BCAR1: variants seen among roughly 807,000 people sequenced by gnomAD.
The protein encoded by BCAR1 is breast cancer anti-estrogen resistance protein 1.
BCAR1 carries 30 observed loss-of-function variants against 67.6 expected under a neutral mutation model. The ratio of observed to expected loss-of-function variants is 0.44; its 90% CI spans 0.33 to 0.60. The LOEUF (loss-of-function observed/expected upper bound fraction) is 0.60. Ranked by LOEUF, BCAR1 falls within the 20% of genes least tolerant of loss-of-function variation. The pLI is 0.02. For missense variants in BCAR1, 1,313 were observed against 1,222.3 expected (o/e 1.07, Z -1.11); for synonymous variants, 626 against 556.7 (o/e 1.12, Z -1.75).
chr16:75,233,379 A>G (rs2076969780), intron 6 of BCAR1, among the ~76,000 whole-genome samples: 1 of 152,326 alleles, frequency 6.6e-6, no homozygotes, highest in South Asian at 2.1e-4. Flanking sequence ...TGTCAAAAAA[A>G]AAAAAATACT....
At chr16:75,264,492 G>T in intron 1 of BCAR1, 2 of 1,449,940 alleles carry the variant, frequency 1.4e-6, no homozygotes, top group Non-Finnish European at 1.8e-6. Flanking sequence ...GGAAGGGCTT[G>T]GCAGGCATGT....
intron 5 of BCAR1, 112 bp downstream of exon 5, chr16:75,234,777 G>C: frequency 1.4e-6 from 2 of 1,442,554 alleles, no homozygotes; most frequent in South Asian, 3.1e-5. Flanking sequence ...AAAGTGAGAG[G>C]AGGGTGCAGG....
intron 1 of BCAR1, chr16:75,266,640 C>A: frequency 6.4e-6 from 7 of 1,090,966 alleles, no homozygotes; most frequent in Non-Finnish European, 8.3e-6. Flanking sequence ...TCGTCCCCAT[C>A]GCTCCACTCC....
intron 1 of BCAR1, chr16:75,247,950 CAAT>C (rs896687375): frequency 1.2e-6 from 1 of 813,698 alleles, no homozygotes; most frequent in Non-Finnish European, 2.1e-6. Context: ...ACTAAGTTCA[CAAT>C]AATAAGAACA....
intron 1 of BCAR1, chr16:75,266,585 A>G (rs1567629409): frequency 1.1e-5 from 6 of 566,982 alleles, no homozygotes; most frequent in Middle Eastern, 2.8e-4. Context: ...CGCATCTACC[A>G]TGGTGCCCAC....
intron 3 of BCAR1, 87 bp downstream of exon 3, chr16:75,237,096 C>A: frequency 2.7e-6 from 4 of 1,507,834 alleles, no homozygotes; most frequent in Admixed American, 4.3e-5. Flanking sequence ...CTGGCCGGGG[C>A]TGAGAAGATG....
rs1243009069 is a variant in BCAR1, at chr16:75,229,339, C to T, written c.*172G>A. On this transcript the variant is annotated 3_prime_UTR_variant, in exon 7 of 7. Coordinates refer to ENST00000162330, the MANE Select transcript of BCAR1 (RefSeq NM_014567.5). ...TTCGGCTCCTGAGGAGGCATGGCCC[C>T]ACACCCTGCCCGGCCATAAATATAT... 1.8e-6 allele frequency: 2 copies of T among 1,122,292 alleles called. No individual in the cohort carries two copies. The highest frequency in any genetic ancestry group is 2.7e-5 in the East Asian group (1 of 37,318). 69.5% of individuals were successfully genotyped at this position (1,122,292 alleles called of 1,614,324 possible). A position where few individuals can be genotyped will look rare whatever the true frequency, so the allele number is the denominator to read the frequency against.
chr16:75,238,946 G>A (rs1282522850), intron 2 of BCAR1: 1 of 985,294 alleles, frequency 1.0e-6, no homozygotes, highest in Non-Finnish European at 1.2e-6. Context: ...CCAGCAGGAG[G>A]GATGAGCATC....
chr16:75,251,057 T>C (rs1045231536), intron 1 of BCAR1: 1 of 862,024 alleles, frequency 1.2e-6, no homozygotes. Flanking sequence ...CGGTGGGCAG[T>C]CCCCACGCCA....
At chr16:75,257,873 C>T (rs554972972) in intron 1 of BCAR1, among the ~76,000 whole-genome samples, 2 of 152,372 alleles carry the variant, frequency 1.3e-5, no homozygotes, top group African/African-American at 4.8e-5. Flanking sequence ...GACCCAGGCT[C>T]AGGCTCTCGC....
chr16:75,267,076 A>G (rs570583514), intron 1 of BCAR1, among the ~76,000 whole-genome samples: 1 of 152,300 alleles, frequency 6.6e-6, no homozygotes, highest in South Asian at 2.1e-4. Flanking sequence ...CCCCAGTAGC[A>G]GGTCACCGAC....
At chr16:75,256,179 C>G (rs1362737826), upstream of BCAR1, 1 of 152,434 alleles carries the variant, frequency 6.6e-6, no homozygotes, top group Non-Finnish European at 1.5e-5. Context: ...CACGCAGCTC[C>G]CATGGCCAGC....
upstream of BCAR1, among the ~76,000 whole-genome samples, chr16:75,253,659 G>C (rs2077721824): frequency 6.6e-6 from 1 of 151,954 alleles, no homozygotes; most frequent in African/African-American, 2.4e-5. Flanking sequence ...TCCCCCAAAA[G>C]CCTGTGCCTC....
At chr16:75,237,492 C>G (rs934488965) in intron 2 of BCAR1, 148 bp from the exon 3 acceptor site, 16 of 947,286 alleles carry the variant, frequency 1.7e-5, no homozygotes, top group Non-Finnish European at 2.3e-5. Context: ...AGTTCTCACC[C>G]CCTCTGCACC....
In BCAR1 at chr16:75,235,887, G is replaced by A. The variant is rs1232782333; in HGVS notation, c.1012C>T (p.Pro338Ser). 3 of 1,563,498 alleles carry A rather than the reference G, an allele frequency of 1.9e-6. No individual in the cohort carries two copies. Among genetic ancestry groups the A allele is most frequent in the Non-Finnish European group, 2.6e-6 (3 of 1,154,826 alleles). ...DVPPAFAKAKPFDPARTPLVL... is the reference protein window; with the variant it reads ...DVPPAFAKAKSFDPARTPLVL... ...AGTGGGGTGCGGGCCGGGTCAAAGG[G>A]CTTGGCCTTGGCGAAGGCGGGGGGC... Residue 338 changes from proline (P) to serine (S), a missense_variant, in exon 5 of 7, where the codon CCC (proline) becomes TCC (serine). Pro to Ser is a moderately conservative substitution (Grantham distance 74). This residue lies in a region of BCAR1 where 1,272 missense variants were observed against 1,137.5 expected (regional missense o/e 1.12). Coordinates refer to ENST00000162330, the MANE Select transcript of BCAR1 (RefSeq NM_014567.5).
chr16:75,231,025 GT>G (rs2076882044), intron 6 of BCAR1, among the ~76,000 whole-genome samples: 1 of 148,780 alleles, frequency 6.7e-6, no homozygotes, highest in Non-Finnish European at 1.5e-5. Context: ...AACAAGCTTT[GT>G]GGGGTTTTTT....
chr16:75,229,199 C>A lies in BCAR1; in HGVS notation c.*312G>T. The A allele has an allele frequency of 3.1e-6, 1 of 322,272 alleles. No homozygotes were observed. Among genetic ancestry groups the A allele is most frequent in the East Asian group, 5.2e-5 (1 of 19,160 alleles). 20.0% of individuals were successfully genotyped at this position (322,272 alleles called of 1,614,324 possible). On this transcript the variant is annotated 3_prime_UTR_variant, in exon 7 of 7. Coordinates refer to ENST00000162330, the MANE Select transcript of BCAR1 (RefSeq NM_014567.5). ...CACCCTCGTGGGACCAGGCTCAGCC[C>A]TCGGGGTGGCACGAGGTCCTGCAGG... is the stretch of plus-strand genomic sequence containing the variant.
Position 75,230,665 on chromosome 16 carries a change from C to T in BCAR1, c.2101-642G>A, listed in dbSNP as rs143426070. Among the ~76,000 whole-genome samples, 1,353 of 152,270 alleles carry T rather than the reference C, an allele frequency of 8.9e-3. 24 individuals carry two copies. Among genetic ancestry groups the T allele is most frequent in the African/African-American group, 0.03 (1,254 of 41,546 alleles). ...GGGGACAATGTGTCCTCACTAGAGC[C>T]GCTCTGGCTCCGGAAGTGACCAGCC... On this transcript the variant is annotated intron_variant, in intron 6 of 6. Coordinates refer to ENST00000162330, the MANE Select transcript of BCAR1 (RefSeq NM_014567.5).
At position 75,230,035 on chromosome 16, in the gene BCAR1, G is replaced by C; in HGVS notation, c.2101-12C>G. Reference sequence around the variant, plus strand: ...TCAAACTGCTTCAGCTGGGGCAGGAGGGAAGCAGGAGCAGGGTTAGGCTCT... The same window carrying C: ...TCAAACTGCTTCAGCTGGGGCAGGACGGAAGCAGGAGCAGGGTTAGGCTCT... On this transcript the variant is annotated splice_polypyrimidine_tract_variant and intron_variant, in intron 6 of 6. Coordinates refer to ENST00000162330, the MANE Select transcript of BCAR1 (RefSeq NM_014567.5). The C allele has an allele frequency of 6.6e-7, 1 of 1,524,494 alleles. No individual in the cohort carries two copies. The highest frequency in any genetic ancestry group is 8.8e-7 in the Non-Finnish European group (1 of 1,135,174). The allele number at this position is 1,524,494 out of a possible 1,614,324, so 94.4% of individuals were successfully genotyped here.
Sources: allele counts gnomAD v4.1 joint callset (sites outside exome capture counted in the v4.1 genomes callset), GRCh38; gene constraint gnomAD v4.1.1; regional missense constraint gnomAD v4.1.1; transcripts MANE v1.5; gene names NCBI Gene and HGNC (gene_info 2026-07-23, HGNC 2026-07-21).